C17orf107: variants seen among roughly 807,000 people sequenced by gnomAD.
C17orf107 encodes the protein uncharacterized protein C17orf107.
C17orf107 carries 9 observed loss-of-function variants against 8.9 expected under a neutral mutation model. That is an observed-to-expected ratio of 1.02 (90% CI 0.61 to 1.77). The LOEUF (loss-of-function observed/expected upper bound fraction) is 1.77, where lower values mean the gene tolerates loss of function less well. Ranked by LOEUF, C17orf107 falls within the 40% of genes most tolerant of loss-of-function variation. The probability of loss-of-function intolerance (pLI) is 0.00; values close to 1 mark genes in which losing one functional copy is unlikely to be tolerated. For synonymous variants in C17orf107, 139 were observed against 120.3 expected (o/e 1.16, Z -1.02); for missense variants, 281 against 249.0 (o/e 1.13, Z -0.86).
Position 4,902,628 on chromosome 17 carries a change from A to C in C17orf107, c.*2095A>C, listed in dbSNP as rs1199917129. The C allele has an allele frequency of 6.2e-7, 1 of 1,613,904 alleles. No individual in the cohort carries two copies. The highest frequency in any genetic ancestry group is 2.2e-5 in the East Asian group (1 of 44,862). On this transcript the variant is annotated 3_prime_UTR_variant, in exon 3 of 3. Transcript: ENST00000381365. This position sits in a 1 kb window ranked among gnomAD's most constrained non-coding sequence, Gnocchi z 4.0. ...AGGGTGGGGGTAGCTTACCAGTGAG[A>C]TGAGATTCGTCAGGGTGACCTTGAG...
chr17:4,902,808 T>A lies in C17orf107; in HGVS notation c.*2275T>A. 6.2e-7 allele frequency: 1 copy of A among 1,613,704 alleles called. No homozygotes were observed. Among genetic ancestry groups the A allele is most frequent in the South Asian group, 1.1e-5 (1 of 91,076 alleles). ...GAAGGGTCATTGGCAATGAAGAGGC[T>A]GGAGCACCTCTCTCCCCTCTGCCTC... On this transcript the variant is annotated 3_prime_UTR_variant, in exon 3 of 3. Transcript: ENST00000381365. This position sits in a 1 kb window ranked among gnomAD's most constrained non-coding sequence, Gnocchi z 4.0.
At position 4,901,048 on chromosome 17, in the gene C17orf107, G is replaced by A. The variant is rs1288770447; in HGVS notation, c.*515G>A. The A allele has an allele frequency of 3.1e-6, 5 of 1,614,074 alleles. No individual in the cohort carries two copies. In the South Asian group the frequency reaches 4.4e-5, roughly 14 times the overall value. On this transcript the variant is annotated 3_prime_UTR_variant, in exon 3 of 3. Transcript: ENST00000381365. ...GGCCCGAGATGAGCACACAGGGCAC[G>A]ATGATGTTAATGACGTAGAAGAGCG...
rs1969985315 is a variant in C17orf107 at position 4,901,556 on chromosome 17, G to GT, written c.*1025dup. On this transcript the variant is annotated 3_prime_UTR_variant, in exon 3 of 3. Coordinates refer to ENST00000381365, the MANE Select transcript of C17orf107 (RefSeq NM_001145536.2). ...AGGCCTCTGTGTCGATGTCGATCTT[G>GT]TTGATGGTCTTGCCGTCGTTGTCTA... is the stretch of plus-strand genomic sequence containing the variant. 6.2e-7 allele frequency: 1 copy of GT among 1,614,086 alleles called. No individual in the cohort carries two copies. The highest frequency in any genetic ancestry group is 8.5e-7 in the Non-Finnish European group (1 of 1,180,044).
rs755639020 is a variant in C17orf107 at position 4,900,430 on chromosome 17, G to T, written c.470G>T (p.Gly157Val). 18 of 1,550,950 alleles carry T rather than the reference G, an allele frequency of 1.2e-5. No homozygotes were observed. The South Asian group carries it at 1.8e-4, about 15-fold the overall frequency. The change falls in exon 3 of 3, where the codon GGA (glycine) becomes GTA (valine). Residue 157 changes from glycine to valine, a missense_variant. By Grantham distance (109) the Gly-to-Val change is moderately radical. Coordinates refer to ENST00000381365, the MANE Select transcript of C17orf107 (RefSeq NM_001145536.2). Reference protein sequence around the residue: ...LVQGAWLCLCGRGLQGSASFL... With the variant: ...LVQGAWLCLCVRGLQGSASFL... Reference sequence around the variant, plus strand: ...CAGGGAGCATGGCTATGCCTGTGTGGACGGGGTCTGCAGGGGTCTGCCTCA... The same window carrying T: ...CAGGGAGCATGGCTATGCCTGTGTGTACGGGGTCTGCAGGGGTCTGCCTCA...
In C17orf107 at chr17:4,900,497, CG is replaced by C; in HGVS notation, c.539del (p.Gly180GlufsTer4). 6.4e-7 allele frequency: 1 copy of C among 1,550,982 alleles called. No individual in the cohort carries two copies. Among genetic ancestry groups the C allele is most frequent in the Admixed American group, 2.0e-5 (1 of 51,010 alleles). ...SQQQLGLGIPGEPVSSGHGVS is the reference protein window; with the variant it reads ...SQQQLGLGIPXEPVSSGHGVS ...AACAGCAGCTAGGCCTCGGAATCCC[CG>C]GAGAACCGGTGAGCTCAGGACACGG... On this transcript the variant is annotated frameshift_variant, in exon 3 of 3. Transcript: ENST00000381365. LOFTEE classifies it low-confidence loss of function (END_TRUNC).
In C17orf107 at chr17:4,901,291, G is replaced by T; in HGVS notation, c.*758G>T. Reference sequence around the variant, plus strand: ...CTGCGGCTGTCTGCACCAGGGTCATGGGCCGTCAGGATGGGGGCAATTACG... The same window carrying T: ...CTGCGGCTGTCTGCACCAGGGTCATTGGCCGTCAGGATGGGGGCAATTACG... On this transcript the variant is annotated 3_prime_UTR_variant, in exon 3 of 3. Coordinates refer to ENST00000381365, the MANE Select transcript of C17orf107 (RefSeq NM_001145536.2). 7.4e-7 allele frequency: 1 copy of T among 1,354,400 alleles called. No individual in the cohort carries two copies. The highest frequency in any genetic ancestry group is 1.0e-6 in the Non-Finnish European group (1 of 972,784). 83.9% of individuals were successfully genotyped at this position (1,354,400 alleles called of 1,614,324 possible). A position where few individuals can be genotyped will look rare whatever the true frequency, so the allele number is the denominator to read the frequency against.
downstream of C17orf107, among the ~76,000 whole-genome samples, chr17:4,903,767 T>C (rs560901216): frequency 1.4e-4 from 21 of 152,226 alleles, no homozygotes; most frequent in African/African-American, 5.1e-4. Context: ...CAGATGATAG[T>C]ACCGTCTTCC....
In C17orf107 at chr17:4,900,632, G is replaced by C; in HGVS notation, c.*99G>C. On this transcript the variant is annotated 3_prime_UTR_variant, in exon 3 of 3. Transcript: ENST00000381365. The stretch of plus-strand genomic sequence containing the variant: ...GGTGACGTCCAGCAGCAGTGAGGAG[G>C]ACGGCGGACCAGGGACTCCATCCCC... 1 of 1,491,420 alleles carries C rather than the reference G, an allele frequency of 6.7e-7. No homozygotes were observed. Among genetic ancestry groups the C allele is most frequent in the Non-Finnish European group, 9.1e-7 (1 of 1,099,604 alleles). The allele number at this position is 1,491,420 out of a possible 1,614,324, so 92.4% of individuals were successfully genotyped here. A position where few individuals can be genotyped will look rare whatever the true frequency, so the allele number is the denominator to read the frequency against.
chr17:4,900,392 C>T lies in C17orf107; in HGVS notation c.432C>T (p.Ala144=), dbSNP rs1179040585. 1 of 1,550,240 alleles carries T rather than the reference C, an allele frequency of 6.5e-7. No individual in the cohort carries two copies. The highest frequency in any genetic ancestry group is 8.7e-7 in the Non-Finnish European group (1 of 1,146,736). ...CTGGGGCTGCGGTGGGCGCCAGCGC[C>T]CGGCTCCTAGTCCAGGGAGCATGGC... ...RQAGAAVGAS[A]RLLVQGAWLC... The change falls in exon 3 of 3, where the codon GCC becomes GCT. Residue 144 remains alanine (A), a synonymous_variant. Transcript: ENST00000381365.
Position 4,900,635 on chromosome 17 carries a change from G to T in C17orf107, c.*102G>T. 6.8e-7 allele frequency: 1 copy of T among 1,472,830 alleles called. No individual in the cohort carries two copies. The highest frequency in any genetic ancestry group is 1.2e-5 in the South Asian group (1 of 81,756). 91.2% of individuals were successfully genotyped at this position (1,472,830 alleles called of 1,614,324 possible). ...GACGTCCAGCAGCAGTGAGGAGGAC[G>T]GCGGACCAGGGACTCCATCCCCGTA... On this transcript the variant is annotated 3_prime_UTR_variant, in exon 3 of 3. Coordinates refer to ENST00000381365, the MANE Select transcript of C17orf107 (RefSeq NM_001145536.2).
Position 4,902,507 on chromosome 17 carries a change from G to A in C17orf107, c.*1974G>A, listed in dbSNP as rs369898827. 1 of 1,614,202 alleles carries A rather than the reference G, an allele frequency of 6.2e-7. No homozygotes were observed. The highest frequency in any genetic ancestry group is 8.5e-7 in the Non-Finnish European group (1 of 1,180,044). On this transcript the variant is annotated 3_prime_UTR_variant, in exon 3 of 3. Coordinates refer to ENST00000381365, the MANE Select transcript of C17orf107 (RefSeq NM_001145536.2). The surrounding 1 kb of genome is among the most constrained non-coding windows in gnomAD (Gnocchi z 4.0). ...CCTCTTTTTCATTCTGCAGATGGGA[G>A]ATGGGGATGATTGAAGTGAGATTTC... is the stretch of plus-strand genomic sequence containing the variant.
downstream of C17orf107, among the ~76,000 whole-genome samples, chr17:4,905,743 C>T (rs182904904): frequency 1.5e-3 from 223 of 152,080 alleles, no homozygotes; most frequent in Admixed American, 3.0e-3. Flanking sequence ...CACCTGTAAT[C>T]CCAGCTACTC....
At position 4,901,851 on chromosome 17, in the gene C17orf107, G is replaced by A. The variant is rs1354360174; in HGVS notation, c.*1318G>A. The A allele has an allele frequency of 6.3e-7, 1 of 1,587,976 alleles. No homozygotes were observed. On this transcript the variant is annotated 3_prime_UTR_variant, in exon 3 of 3. Transcript: ENST00000381365. ...CTCCAGCGCGAAGCCCCGCCCCGAG[G>A]GCGGTGCTTCCCGGTTGGCCCCGCC...
At chr17:4,899,872 G>T in intron 1 of C17orf107, 44 bp downstream of exon 1, 1 of 1,549,894 alleles carries the variant, frequency 6.5e-7, no homozygotes, top group Non-Finnish European at 8.7e-7. Context: ...GACCTTCTGG[G>T]TAGGTCTCCT....
Position 4,902,594 on chromosome 17 carries a change from C to G in C17orf107, c.*2061C>G. ...TTGGGGCCAGAAGTGGGATTTTTGGCTTAAGATGAGGGTGGGGGTAGCTTA... is the reference window on the plus strand; with the variant it reads ...TTGGGGCCAGAAGTGGGATTTTTGGGTTAAGATGAGGGTGGGGGTAGCTTA... On this transcript the variant is annotated 3_prime_UTR_variant, in exon 3 of 3. Transcript: ENST00000381365. This position sits in a 1 kb window ranked among gnomAD's most constrained non-coding sequence, Gnocchi z 4.0. The G allele has an allele frequency of 6.2e-7, 1 of 1,614,100 alleles. No homozygotes were observed. Among genetic ancestry groups the G allele is most frequent in the Non-Finnish European group, 8.5e-7 (1 of 1,180,026 alleles).
rs55770091 is a variant in C17orf107, at chr17:4,902,744, G to C, written c.*2211G>C. 5 of 1,613,974 alleles carry C rather than the reference G, an allele frequency of 3.1e-6. No individual in the cohort carries two copies. Among genetic ancestry groups the C allele is most frequent in the South Asian group, 2.2e-5 (2 of 91,070 alleles). ...GATGGTGATAAAGACGCAGTTCCTC[G>C]TTCTTCCCCACACCCCTGCCTGCGA... On this transcript the variant is annotated 3_prime_UTR_variant, in exon 3 of 3. Transcript: ENST00000381365. The surrounding 1 kb of genome is among the most constrained non-coding windows in gnomAD (Gnocchi z 4.0).
Position 4,901,574 on chromosome 17 carries a change from G to C in C17orf107, c.*1041G>C, listed in dbSNP as rs978516236. ...CGATCTTGTTGATGGTCTTGCCGTC[G>C]TTGTCTACGGCAAAAGTGAACTCCA... On this transcript the variant is annotated 3_prime_UTR_variant, in exon 3 of 3. Coordinates refer to ENST00000381365, the MANE Select transcript of C17orf107 (RefSeq NM_001145536.2). 4.3e-6 allele frequency: 7 copies of C among 1,614,144 alleles called. No homozygotes were observed. In the South Asian group the frequency reaches 7.7e-5, roughly 18 times the overall value.
rs920241546 is a variant in C17orf107 at position 4,899,756 on chromosome 17, G to A, written c.-7G>A. 1.0e-5 allele frequency: 16 copies of A among 1,550,962 alleles called. No individual in the cohort carries two copies. Among genetic ancestry groups the A allele is most frequent in the Admixed American group, 2.0e-5 (1 of 50,976 alleles). Reference sequence around the variant, plus strand: ...GCCCTTCTCCTGTCCTACCACTTGTGGCGGCCATGAAGGGGACCCCCAGCT... The same window carrying A: ...GCCCTTCTCCTGTCCTACCACTTGTAGCGGCCATGAAGGGGACCCCCAGCT... On this transcript the variant is annotated 5_prime_UTR_variant, in exon 1 of 3. Transcript: ENST00000381365.
downstream of C17orf107, among the ~76,000 whole-genome samples, chr17:4,904,225 C>A (rs1480443698): frequency 6.6e-6 from 1 of 151,844 alleles, no homozygotes; most frequent in Non-Finnish European, 1.5e-5. Flanking sequence ...GGGACAGGAT[C>A]TCACTCTGTC....
Sources: gnomAD v4.1 joint callset for allele counts (sites outside exome capture counted in the v4.1 genomes callset) on GRCh38, gnomAD v4.1.1 for gene constraint, Gnocchi (gnomAD v3.1) non-coding constraint, MANE v1.5 for transcripts, NCBI Gene and HGNC (gene_info 2026-07-23, HGNC 2026-07-21) for gene names.